Variants in TSHR observed in about 807,000 individuals in gnomAD.
The protein encoded by TSHR is thyrotropin receptor.
TSHR carries 51 observed loss-of-function variants against 64.1 expected under a neutral mutation model. The observed-to-expected ratio is 0.80, with a 90% CI of 0.64 to 1.01. The LOEUF is 1.01. Among genes scored for constraint, TSHR ranks in the 50% least tolerant of loss-of-function variants. The pLI is 0.00. For missense variants in TSHR, 877 were observed against 942.8 expected (o/e 0.93, Z 0.91); for synonymous variants, 361 against 361.9 (o/e 1.00, Z 0.03).
intron 1 of TSHR, among the ~76,000 whole-genome samples, chr14:81,059,290 A>G (rs1229352504): frequency 2.0e-5 from 3 of 152,212 alleles, no homozygotes; most frequent in South Asian, 4.1e-4. Flanking sequence ...CATAAGCTCA[A>G]TCAAACTAAT....
At chr14:81,052,344 T>C (rs1328864406) in intron 1 of TSHR, 1 of 152,214 alleles carries the variant, frequency 6.6e-6, no homozygotes, top group East Asian at 1.9e-4. Context: ...TTGTTGAAAA[T>C]CAATTGACCA....
intron 1 of TSHR, chr14:80,993,422 T>A (rs867441728): frequency 6.6e-6 from 1 of 152,194 alleles, no homozygotes; most frequent in African/African-American, 2.4e-5. Flanking sequence ...TATGAGTATA[T>A]GCCTACTCTG....
chr14:81,113,405 G>A (rs1890317353), intron 8 of TSHR, among the ~76,000 whole-genome samples: 1 of 152,166 alleles, frequency 6.6e-6, no homozygotes. Flanking sequence ...CATGCAGGCA[G>A]GCAGTGATAT....
chr14:81,035,987 A>G (rs1351208860), intron 1 of TSHR, among the ~76,000 whole-genome samples: 1 of 152,206 alleles, frequency 6.6e-6, no homozygotes, highest in Non-Finnish European at 1.5e-5. Context: ...AATTAAGCAG[A>G]AGACAAAAAT....
intron 1 of TSHR, among the ~76,000 whole-genome samples, chr14:81,029,140 C>A (rs1177355958): frequency 6.6e-6 from 1 of 151,872 alleles, no homozygotes; most frequent in Non-Finnish European, 1.5e-5. Context: ...GAATTAAAAA[C>A]CATAACAAAG....
intron 8 of TSHR, among the ~76,000 whole-genome samples, chr14:81,127,488 G>A (rs1243513634): frequency 6.6e-6 from 1 of 152,052 alleles, no homozygotes; most frequent in African/African-American, 2.4e-5. Flanking sequence ...TGAGGAGGAG[G>A]CTATGCTTGT....
chr14:81,126,778 T>C (rs2140077131), intron 8 of TSHR, among the ~76,000 whole-genome samples: 1 of 152,354 alleles, frequency 6.6e-6, no homozygotes, highest in Non-Finnish European at 1.5e-5. Context: ...TTCTTCACTG[T>C]TCCTTCTTTG....
chr14:81,106,168 A>G, intron 7 of TSHR, among the ~76,000 whole-genome samples: 1 of 152,190 alleles, frequency 6.6e-6, no homozygotes, highest in South Asian at 2.1e-4. Context: ...ATACTTAACA[A>G]TGCCCTGAAT....
At chr14:81,129,431 A>G (rs780344026) in intron 8 of TSHR, among the ~76,000 whole-genome samples, 27 of 152,204 alleles carry the variant, frequency 1.8e-4, no homozygotes, top group Non-Finnish European at 2.8e-4. Context: ...CTTCTGGCCA[A>G]GCCCAACCTT....
At chr14:80,963,877 G>C (rs756699937) in intron 1 of TSHR, among the ~76,000 whole-genome samples, 7 of 152,208 alleles carry the variant, frequency 4.6e-5, no homozygotes, top group Admixed American at 2.0e-4. Flanking sequence ...TTTGGGGATA[G>C]AATGTCTTGA....
At chr14:81,040,034 C>G (rs1325856782) in intron 1 of TSHR, among the ~76,000 whole-genome samples, 1 of 151,934 alleles carries the variant, frequency 6.6e-6, no homozygotes, top group African/African-American at 2.4e-5. Context: ...AAGAACAAAG[C>G]TGACGGCATT....
chr14:81,092,265 A>G (rs1888797567), intron 5 of TSHR, among the ~76,000 whole-genome samples: 1 of 152,138 alleles, frequency 6.6e-6, no homozygotes, highest in South Asian at 2.1e-4. Flanking sequence ...CTACCCCAAG[A>G]TGAGGATTAA....
intron 7 of TSHR, chr14:81,102,862 T>C (rs1484385123): frequency 3.0e-6 from 3 of 985,192 alleles, no homozygotes; most frequent in South Asian, 4.7e-5. Context: ...GGGATCAAGA[T>C]AAAAAGTATC....
intron 1 of TSHR, among the ~76,000 whole-genome samples, chr14:80,987,715 T>C (rs1888539364): frequency 6.6e-6 from 1 of 152,138 alleles, no homozygotes. Flanking sequence ...AGTATCTTCC[T>C]TTCTTTCCTA....
chr14:81,134,051 A>C (rs1891355091), intron 8 of TSHR, among the ~76,000 whole-genome samples: 2 of 152,238 alleles, frequency 1.3e-5, no homozygotes, highest in Non-Finnish European at 2.9e-5. Context: ...AAGTCCAGAT[A>C]GTGTGAATTT....
chr14:81,094,177 A>G (rs139756442), intron 6 of TSHR: 68 of 152,326 alleles, frequency 4.5e-4, no homozygotes, highest in African/African-American at 1.4e-3. Context: ...AAAACTATCA[A>G]CTTGAAAAGA....
chr14:81,033,391 C>A, intron 1 of TSHR: 1 of 238,160 alleles, frequency 4.2e-6, no homozygotes, highest in Non-Finnish European at 8.7e-6. Flanking sequence ...TACAGAGAAA[C>A]ACTGCAGAAG....
chr14:81,090,164 T>C (rs1443704728), intron 4 of TSHR, among the ~76,000 whole-genome samples: 1 of 152,226 alleles, frequency 6.6e-6, no homozygotes, highest in African/African-American at 2.4e-5. Flanking sequence ...TATGCATGTC[T>C]TTTAATCTTA....
intron 1 of TSHR, among the ~76,000 whole-genome samples, chr14:81,041,658 C>G (rs1456992971): frequency 6.6e-6 from 1 of 151,918 alleles, no homozygotes; most frequent in Non-Finnish European, 1.5e-5. Flanking sequence ...CACTTGTACC[C>G]CTGAACTTAA....
Sources: allele counts gnomAD v4.1 joint callset (sites outside exome capture counted in the v4.1 genomes callset), GRCh38; gene constraint gnomAD v4.1.1; transcripts MANE v1.5; gene names NCBI Gene and HGNC (gene_info 2026-07-23, HGNC 2026-07-21).